Variants in CPN1 observed in about 807,000 individuals in gnomAD.
CPN1 encodes carboxypeptidase N catalytic chain.
Under a neutral mutation model 46.4 loss-of-function variants are expected in CPN1, and 37 were observed. The observed-to-expected ratio is 0.80, with a 90% confidence interval of 0.61 to 1.05. CPN1 has a LOEUF of 1.05. Among genes scored for constraint, CPN1 ranks in the 50% least tolerant of loss-of-function variants. The pLI, the probability that CPN1 is intolerant of heterozygous loss-of-function variation, is 0.00. For missense variants in CPN1, 563 were observed against 602.6 expected (o/e 0.93, Z 0.69); for synonymous variants, 224 against 235.4 (o/e 0.95, Z 0.44).
Position 100,063,610 on chromosome 10 carries a change from T to TTACCC in CPN1, c.870_871+3dup, listed in dbSNP as rs2041434198. 1.2e-6 allele frequency: 2 copies of TTACCC among 1,606,118 alleles called. No homozygotes were observed. Among genetic ancestry groups the TTACCC allele is most frequent in the Non-Finnish European group, 1.7e-6 (2 of 1,172,918 alleles). ...GCTTGAGCAGTTCCCAGGACTCCCC[T>TTACCC]TACCCTTGCTGAGAGAATACCAGGA... On this transcript the variant is annotated splice_donor_region_variant and intron_variant, in intron 5 of 8. Coordinates refer to ENST00000370418, the MANE Select transcript of CPN1 (RefSeq NM_001308.3).
At chr10:100,050,247 G>A (rs894201339) in intron 7 of CPN1, among the ~76,000 whole-genome samples, 4 of 152,154 alleles carry the variant, frequency 2.6e-5, no homozygotes. Flanking sequence ...TCAGCTACTT[G>A]GGAGGCTGAG....
chr10:100,070,587 A>G (rs554231629), intron 2 of CPN1, among the ~76,000 whole-genome samples: 23 of 152,270 alleles, frequency 1.5e-4, no homozygotes, highest in African/African-American at 5.5e-4. Flanking sequence ...ATATTAGCTT[A>G]ATCAAATGAT....
At position 100,054,674 on chromosome 10, in the gene CPN1, T is replaced by A. The variant is rs1288596493; in HGVS notation, c.1012-228A>T. Among the ~76,000 whole-genome samples the A allele has an allele frequency of 2.0e-5, 3 of 152,090 alleles. No individual in the cohort carries two copies. The East Asian group carries it at 5.8e-4, about 29-fold the overall frequency. ...AAGCCTGACTCAAATCATGTCACTA[T>A]CCTACTCAAAACCTAACTCACTTTG... is the stretch of plus-strand genomic sequence containing the variant. On this transcript the variant is annotated intron_variant, in intron 6 of 8. Coordinates refer to ENST00000370418, the MANE Select transcript of CPN1 (RefSeq NM_001308.3).
rs1404238344 is a variant in CPN1, at chr10:100,081,850, A to G, written c.-225T>C. On this transcript the variant is annotated 5_prime_UTR_variant, in exon 1 of 9. Coordinates refer to ENST00000370418, the MANE Select transcript of CPN1 (RefSeq NM_001308.3). The stretch of plus-strand genomic sequence containing the variant: ...CTCACTCCCTTTCTTTCTCTAATCC[A>G]GGAAAGCCTTTTGAAAGGTTTTTTG... 9.1e-6 allele frequency: 5 copies of G among 548,672 alleles called. No homozygotes were observed. The African/African-American group carries it at 9.4e-5, about 10-fold the overall frequency. 34.0% of individuals were successfully genotyped at this position (548,672 alleles called of 1,614,324 possible).
At chr10:100,069,480 TAA>T (rs35376380) in intron 3 of CPN1, among the ~76,000 whole-genome samples, 1,507 of 146,566 alleles carry the variant, frequency 0.01, 28 homozygotes, top group African/African-American at 0.031. Context: ...GACTCTGTCT[TAA>T]AAAAAAAAAA....
At chr10:100,071,048 T>C (rs1472799342) in intron 2 of CPN1, among the ~76,000 whole-genome samples, 1 of 152,180 alleles carries the variant, frequency 6.6e-6, no homozygotes, top group Non-Finnish European at 1.5e-5. Flanking sequence ...TGTTCTTTTG[T>C]GGGTTTTTCC....
At chr10:100,071,873 T>C (rs1423698467) in intron 2 of CPN1, among the ~76,000 whole-genome samples, 2 of 152,162 alleles carry the variant, frequency 1.3e-5, no homozygotes. Flanking sequence ...CATCCAAGGA[T>C]TTTGATATTG....
chr10:100,042,642 G>C, intron 8 of CPN1, 69 bp from the exon 9 acceptor site: 1 of 1,597,186 alleles, frequency 6.3e-7, no homozygotes, highest in Admixed American at 1.7e-5. Flanking sequence ...CAGTTTCTGA[G>C]GGCTGGGTAC....
chr10:100,080,011 G>A (rs1406472926), intron 1 of CPN1, among the ~76,000 whole-genome samples: 5 of 151,992 alleles, frequency 3.3e-5, no homozygotes, highest in Non-Finnish European at 7.4e-5. Flanking sequence ...GCTTGAACCC[G>A]GGAGGTGGAG....
chr10:100,060,407 C>A (rs1404139670), intron 5 of CPN1, among the ~76,000 whole-genome samples: 1 of 151,850 alleles, frequency 6.6e-6, no homozygotes, highest in Non-Finnish European at 1.5e-5. Flanking sequence ...ACTAAAAATA[C>A]AAAAATTAGC....
chr10:100,066,581 A>G (rs1176722433), intron 3 of CPN1, among the ~76,000 whole-genome samples: 1 of 152,196 alleles, frequency 6.6e-6, no homozygotes, highest in Non-Finnish European at 1.5e-5. Flanking sequence ...TGCATATTAT[A>G]TTGCTAGTGA....
intron 2 of CPN1, among the ~76,000 whole-genome samples, chr10:100,073,086 A>G (rs1341606046): frequency 1.3e-5 from 2 of 152,154 alleles, no homozygotes; most frequent in Non-Finnish European, 1.5e-5. Flanking sequence ...CTAAGAATTC[A>G]GTATTATTCT....
At chr10:100,075,841 T>C in intron 2 of CPN1, 70 bp downstream of exon 2, 1 of 1,452,826 alleles carries the variant, frequency 6.9e-7, no homozygotes, top group Non-Finnish European at 9.6e-7. Context: ...AGAGAGGGAA[T>C]CTTGTCCACT....
At chr10:100,075,888 G>A (rs764687495) in intron 2 of CPN1, 23 bp downstream of exon 2, 21 of 1,612,360 alleles carry the variant, frequency 1.3e-5, no homozygotes, top group South Asian at 5.5e-5. Context: ...ATCTCTCCCC[G>A]GCATCTCCCT....
intron 8 of CPN1, among the ~76,000 whole-genome samples, chr10:100,043,734 T>C (rs758735213): frequency 1.8e-4 from 27 of 151,694 alleles, no homozygotes; most frequent in Admixed American, 1.4e-3. Flanking sequence ...AACTCCTGGG[T>C]TCAAGATCCC....
At chr10:100,065,596 G>T (rs2041450427) in intron 3 of CPN1, among the ~76,000 whole-genome samples, 1 of 152,194 alleles carries the variant, frequency 6.6e-6, no homozygotes, top group Non-Finnish European at 1.5e-5. Flanking sequence ...ATCTTATGTG[G>T]AATCCCAATA....
intron 7 of CPN1, among the ~76,000 whole-genome samples, chr10:100,049,392 A>G (rs781042773): frequency 1.3e-5 from 2 of 150,932 alleles, no homozygotes; most frequent in Non-Finnish European, 2.9e-5. Context: ...CCTCCCAAGT[A>G]GCTGGGATTA....
intron 8 of CPN1, among the ~76,000 whole-genome samples, chr10:100,045,862 G>A (rs192506125): frequency 7.3e-4 from 111 of 152,222 alleles, no homozygotes; most frequent in Non-Finnish European, 3.7e-4. Context: ...GAAAGGTGGT[G>A]GGAGGGTCTA....
At chr10:100,070,007 C>G (rs1430724914) in intron 2 of CPN1, 138 bp from the exon 3 acceptor site, 6 of 939,820 alleles carry the variant, frequency 6.4e-6, no homozygotes, top group Non-Finnish European at 1.0e-5. Context: ...ACTGCAACCT[C>G]TACCTACTGG....
Sources: gnomAD v4.1 joint callset for allele counts (sites outside exome capture counted in the v4.1 genomes callset) on GRCh38, gnomAD v4.1.1 for gene constraint, MANE v1.5 for transcripts, NCBI Gene and HGNC (gene_info 2026-07-23, HGNC 2026-07-21) for gene names.